Variants in SH3TC1 observed in about 807,000 individuals in gnomAD.
SH3TC1 encodes SH3 domain and tetratricopeptide repeats 1.
In SH3TC1, 135 loss-of-function variants were observed where a neutral mutation model predicts 117.3. That is an observed-to-expected ratio of 1.15 (90% CI 1.00 to 1.33). The LOEUF is 1.33. Among genes scored for constraint, SH3TC1 ranks in the 40% most tolerant of loss-of-function variants. The pLI is 0.00. For synonymous variants in SH3TC1, 898 were observed against 816.9 expected (o/e 1.10, Z -1.69); for missense variants, 2,092 against 1,794.3 (o/e 1.17, Z -3.00).
chr4:8,224,081 A>G (rs557537676), intron 10 of SH3TC1, among the ~76,000 whole-genome samples: 1 of 152,188 alleles, frequency 6.6e-6, no homozygotes, highest in Non-Finnish European at 1.5e-5. Context: ...ACATGTGTGC[A>G]CATGTGCCTG....
chr4:8,237,136 T>G, intron 16 of SH3TC1: 1 of 286,310 alleles, frequency 3.5e-6, no homozygotes, highest in Middle Eastern at 9.7e-4. Flanking sequence ...TTGGATGTCA[T>G]GTCTGTGGGT....
upstream of SH3TC1, among the ~76,000 whole-genome samples, chr4:8,198,664 G>C (rs565543953): frequency 6.6e-5 from 10 of 152,210 alleles, no homozygotes; most frequent in Non-Finnish European, 1.3e-4. Context: ...GGGTAAAGAG[G>C]TAGACCCGTT....
At chr4:8,234,900 C>T (rs1432044537) in intron 14 of SH3TC1, among the ~76,000 whole-genome samples, 1 of 152,224 alleles carries the variant, frequency 6.6e-6, no homozygotes, top group Non-Finnish European at 1.5e-5. Flanking sequence ...CAGCAGTTTC[C>T]AGAGGCTTTC....
In SH3TC1 at chr4:8,186,059, T is replaced by C. The variant is rs1181824963; in HGVS notation, c.-57+3849T>C. Among the ~76,000 whole-genome samples the C allele has an allele frequency of 6.6e-6, 1 of 152,226 alleles. No homozygotes were observed. The highest frequency in any genetic ancestry group is 1.9e-4 in the East Asian group (1 of 5,196). On this transcript the variant is annotated intron_variant, in intron 1 of 16. Coordinates refer to the SH3TC1 transcript ENST00000508641. The surrounding 1 kb of genome is among the most constrained non-coding windows in gnomAD (Gnocchi z 5.2). ...ACATTTTACGGTGATAGGCAGGAGC[T>C]GTCCGCGCGGGCCCCTCGCTGTTTT... is the stretch of plus-strand genomic sequence containing the variant.
At chr4:8,220,389 G>GT (rs891442210) in intron 9 of SH3TC1, among the ~76,000 whole-genome samples, 10 of 151,896 alleles carry the variant, frequency 6.6e-5, no homozygotes, top group Admixed American at 3.9e-4. Context: ...GGCTCCTCTG[G>GT]GGGGGGCACT....
intron 12 of SH3TC1, chr4:8,231,307 C>G (rs191678641): frequency 3.3e-5 from 5 of 152,426 alleles, no homozygotes; most frequent in African/African-American, 1.2e-4. Context: ...GGGCCTGGCA[C>G]GTGGCCTGTC....
At position 8,217,000 on chromosome 4, in the gene SH3TC1, G is replaced by T. The variant is rs184242255; in HGVS notation, c.672G>T (p.Met224Ile). 1.2e-6 allele frequency: 2 copies of T among 1,613,996 alleles called. No homozygotes were observed. The highest frequency in any genetic ancestry group is 1.7e-5 in the Admixed American group (1 of 59,990). The change falls in exon 7 of 18, where the codon ATG (methionine) becomes ATT (isoleucine). Residue 224 changes from methionine to isoleucine, a missense_variant. Met to Ile is a conservative substitution (Grantham distance 10, BLOSUM62 1). Coordinates refer to ENST00000245105, the MANE Select transcript of SH3TC1 (RefSeq NM_018986.5). ...VLCPDHHVRV[M>I]TGPRDAGNGP... The stretch of plus-strand genomic sequence containing the variant: ...GTCCTGACCACCATGTGAGAGTGAT[G>T]ACGGGTCCCCGGGATGCAGGAAATG...
At chr4:8,196,071 G>C (rs1407484281), upstream of SH3TC1, among the ~76,000 whole-genome samples, 1 of 152,254 alleles carries the variant, frequency 6.6e-6, no homozygotes, top group Non-Finnish European at 1.5e-5. This position sits in a 1 kb window ranked among gnomAD's most constrained non-coding sequence, Gnocchi z 4.6. Context: ...CTGGGCCAAG[G>C]CTGCGGAGAG....
At chr4:8,221,861 G>A (rs1719949695) in intron 9 of SH3TC1, among the ~76,000 whole-genome samples, 1 of 152,152 alleles carries the variant, frequency 6.6e-6, no homozygotes, top group Non-Finnish European at 1.5e-5. Context: ...CCTCCTTAAT[G>A]TGAAACAGCT....
intron 14 of SH3TC1, among the ~76,000 whole-genome samples, 196 bp from the exon 15 acceptor site, chr4:8,235,237 C>T (rs57786617): frequency 2.0e-5 from 3 of 152,216 alleles, no homozygotes; most frequent in African/African-American, 7.2e-5. Flanking sequence ...TGCACAGTCA[C>T]CTCCTGGCAC....
At chr4:8,191,446 C>T (rs538402893) in intron 1 of SH3TC1, among the ~76,000 whole-genome samples, 2 of 152,230 alleles carry the variant, frequency 1.3e-5, no homozygotes, top group Non-Finnish European at 2.9e-5. Context: ...CCCGTGTCCT[C>T]GTTTTGCAAA....
chr4:8,225,106 G>C lies in SH3TC1; in HGVS notation c.1244-69G>C. The C allele has an allele frequency of 6.3e-7, 1 of 1,585,964 alleles. No homozygotes were observed. The highest frequency in any genetic ancestry group is 8.6e-7 in the Non-Finnish European group (1 of 1,159,136). ...CTCTCACCCTGCAACATCGACACTA[G>C]CTCAACCTGGCAGGGGACCAGAGGT... On this transcript the variant is annotated intron_variant, in intron 10 of 17. Coordinates refer to ENST00000245105, the MANE Select transcript of SH3TC1 (RefSeq NM_018986.5). This position sits in a 1 kb window ranked among gnomAD's most constrained non-coding sequence, Gnocchi z 5.5.
chr4:8,208,102 C>A (rs2152980792), intron 2 of SH3TC1, among the ~76,000 whole-genome samples: 1 of 152,332 alleles, frequency 6.6e-6, no homozygotes, highest in African/African-American at 2.4e-5. Context: ...CACCTGGCAA[C>A]CCTCATCCAA....
chr4:8,201,592 C>G (rs1438549043), intron 1 of SH3TC1: 1 of 152,468 alleles, frequency 6.6e-6, no homozygotes, highest in Non-Finnish European at 1.5e-5. Context: ...GTGGTTGGGG[C>G]CTCTGCTTGT....
At chr4:8,196,021 C>T (rs749044925), upstream of SH3TC1, among the ~76,000 whole-genome samples, 68 of 152,236 alleles carry the variant, frequency 4.5e-4, no homozygotes, top group Non-Finnish European at 7.5e-4. The surrounding 1 kb of genome is among the most constrained non-coding windows in gnomAD (Gnocchi z 4.6). Context: ...GTCGGTTCTT[C>T]CCCACCTGCC....
At chr4:8,226,832 A>C in intron 11 of SH3TC1, 148 bp from the exon 12 acceptor site, 1 of 505,946 alleles carries the variant, frequency 2.0e-6, no homozygotes, top group Non-Finnish European at 3.4e-6. Flanking sequence ...CATAATTCTC[A>C]AGGGCTCATG....
upstream of SH3TC1, among the ~76,000 whole-genome samples, chr4:8,197,603 A>T (rs145070398): frequency 2.9e-3 from 434 of 152,266 alleles, 6 homozygotes; most frequent in East Asian, 0.036. Flanking sequence ...CCGTGTGCTC[A>T]CTGAGCATGT....
intron 1 of SH3TC1, among the ~76,000 whole-genome samples, chr4:8,185,355 G>A (rs1717190420): frequency 6.6e-6 from 1 of 151,860 alleles, no homozygotes; most frequent in Non-Finnish European, 1.5e-5. Flanking sequence ...CAAAAAAAGC[G>A]CACACATTAA....
Position 8,189,122 on chromosome 4 carries a change from C to T in SH3TC1, c.-57+6912C>T, listed in dbSNP as rs146256186. Reference sequence around the variant, plus strand: ...GTGTCTGGCAGAGGTGAACCCGGCTCGGAATACATGGGGCTGTTGGCTCCC... The same window carrying T: ...GTGTCTGGCAGAGGTGAACCCGGCTTGGAATACATGGGGCTGTTGGCTCCC... On this transcript the variant is annotated intron_variant, in intron 1 of 16. Transcript: ENST00000508641. 1.8e-4 allele frequency among the ~76,000 whole-genome samples: 28 copies of T among 152,390 alleles called. No homozygotes were observed. In the East Asian group the frequency reaches 5.2e-3, roughly 28 times the overall value.
Sources: gnomAD v4.1 joint callset for allele counts (sites outside exome capture counted in the v4.1 genomes callset) on GRCh38, gnomAD v4.1.1 for gene constraint, Gnocchi (gnomAD v3.1) non-coding constraint, MANE v1.5 for transcripts, NCBI Gene and HGNC (gene_info 2026-07-23, HGNC 2026-07-21) for gene names.